Variants in KCNH5 observed in about 807,000 individuals in gnomAD.
KCNH5 encodes potassium voltage-gated channel subfamily H member 5.
A neutral mutation model predicts 96.1 loss-of-function variants in KCNH5; 46 were observed. That is an observed-to-expected ratio of 0.48 (90% CI 0.38 to 0.61). The LOEUF (loss-of-function observed/expected upper bound fraction) is 0.61. KCNH5 is among the 20% of genes least tolerant of loss of function. KCNH5 has a pLI of 0.00. For missense variants in KCNH5, 907 were observed against 1,225.8 expected (o/e 0.74, Z 3.88); for synonymous variants, 439 against 449.8 (o/e 0.98, Z 0.30).
chr14:62,822,265 T>G (rs1887130573), intron 8 of KCNH5, among the ~76,000 whole-genome samples: 1 of 152,100 alleles, frequency 6.6e-6, no homozygotes, highest in South Asian at 2.1e-4. Flanking sequence ...TAGATATTGA[T>G]AAGCTTATTC....
At chr14:62,712,486 T>A in intron 10 of KCNH5, 2 of 608,176 alleles carry the variant, frequency 3.3e-6, no homozygotes, top group East Asian at 2.8e-5. Flanking sequence ...CATAAAGAGT[T>A]TAAGTGGTTT....
intron 7 of KCNH5, among the ~76,000 whole-genome samples, chr14:62,910,165 C>T (rs1234826519): frequency 1.3e-5 from 2 of 151,838 alleles, no homozygotes; most frequent in African/African-American, 4.8e-5. Context: ...CACACACACA[C>T]ACACACACAC....
intron 7 of KCNH5, among the ~76,000 whole-genome samples, chr14:62,871,350 A>G (rs893890719): frequency 6.6e-6 from 1 of 152,222 alleles, no homozygotes; most frequent in Non-Finnish European, 1.5e-5. Flanking sequence ...GGGGTTTAAG[A>G]AAAGCTTCCC....
intron 6 of KCNH5, among the ~76,000 whole-genome samples, 169 bp downstream of exon 6, chr14:62,980,703 G>A (rs920374191): frequency 3.3e-5 from 5 of 152,182 alleles, no homozygotes. Flanking sequence ...AGAAGAAACA[G>A]ATGAAAACTA....
In KCNH5 at chr14:62,832,117, A is replaced by G. The variant is rs1887364841; in HGVS notation, c.1569+17536T>C. On this transcript the variant is annotated intron_variant, in intron 8 of 10. Coordinates refer to ENST00000322893, the MANE Select transcript of KCNH5 (RefSeq NM_139318.5). ...AAACACATAATCATAAAAATCGTCT[A>G]TATATTATTTTTTTAAATTACAGTA... Among the ~76,000 whole-genome samples, 6 of 152,320 alleles carry G rather than the reference A, an allele frequency of 3.9e-5. No homozygotes were observed. The South Asian group carries it at 8.3e-4, about 21-fold the overall frequency.
chr14:63,042,600 T>C (rs1157164250), intron 1 of KCNH5, among the ~76,000 whole-genome samples: 1 of 152,196 alleles, frequency 6.6e-6, no homozygotes, highest in Non-Finnish European at 1.5e-5. Context: ...ACTTTCAATG[T>C]TGTTAAGTTA....
intron 9 of KCNH5, among the ~76,000 whole-genome samples, chr14:62,789,983 A>G (rs374582477): frequency 1.3e-5 from 2 of 151,846 alleles, no homozygotes; most frequent in East Asian, 1.9e-4. Flanking sequence ...GCCAAGGCCA[A>G]TATCAAGGTG....
At chr14:62,909,287 C>A (rs371345635) in intron 7 of KCNH5, among the ~76,000 whole-genome samples, 1 of 151,516 alleles carries the variant, frequency 6.6e-6, no homozygotes, top group East Asian at 2.0e-4. Flanking sequence ...CCTCGTGATC[C>A]GCCCGCCTCG....
intron 7 of KCNH5, among the ~76,000 whole-genome samples, chr14:62,932,319 T>A (rs80219428): frequency 0.13 from 19,625 of 151,552 alleles, 1,510 homozygotes; most frequent in East Asian, 0.37. Context: ...CACAATGCTA[T>A]GAGAAGGAAC....
At chr14:62,788,012 T>C (rs1886354011) in intron 9 of KCNH5, among the ~76,000 whole-genome samples, 1 of 152,198 alleles carries the variant, frequency 6.6e-6, no homozygotes, top group Non-Finnish European at 1.5e-5. Context: ...ATTTTGACTT[T>C]CAAGTCTTAT....
At chr14:62,783,268 G>A (rs1358432846) in intron 9 of KCNH5, among the ~76,000 whole-genome samples, 2 of 152,076 alleles carry the variant, frequency 1.3e-5, no homozygotes, top group Non-Finnish European at 2.9e-5. Flanking sequence ...TCTGCGTTAT[G>A]GAACAATGTA....
At chr14:62,716,588 T>C (rs117494522) in intron 10 of KCNH5, among the ~76,000 whole-genome samples, 5,098 of 152,226 alleles carry the variant, frequency 0.033, 139 homozygotes, top group South Asian at 0.082. Flanking sequence ...CTCCTACTTG[T>C]CCTGTGATAC....
At chr14:62,865,391 G>C (rs898283212) in intron 7 of KCNH5, among the ~76,000 whole-genome samples, 9 of 151,596 alleles carry the variant, frequency 5.9e-5, no homozygotes, top group African/African-American at 1.9e-4. Context: ...ACTGGAGTGG[G>C]AAAGAGACTG....
At chr14:63,037,579 T>C (rs978892894) in intron 1 of KCNH5, among the ~76,000 whole-genome samples, 2 of 152,136 alleles carry the variant, frequency 1.3e-5, no homozygotes, top group African/African-American at 2.4e-5. Context: ...TGTGCTTTAA[T>C]TTTCCCCCAA....
intron 7 of KCNH5, among the ~76,000 whole-genome samples, chr14:62,907,768 T>A (rs1889058364): frequency 6.6e-6 from 1 of 152,234 alleles, no homozygotes; most frequent in Non-Finnish European, 1.5e-5. Flanking sequence ...CAAGCTCATG[T>A]GGCCTGGCTG....
intron 8 of KCNH5, among the ~76,000 whole-genome samples, chr14:62,841,231 C>T (rs1956015): frequency 0.67 from 101,774 of 151,994 alleles, 35,251 homozygotes; most frequent in East Asian, 0.86. Context: ...AATTGAAACA[C>T]TGTTTCTTAA....
intron 7 of KCNH5, among the ~76,000 whole-genome samples, chr14:62,944,208 G>A (rs1387277892): frequency 6.6e-6 from 1 of 152,076 alleles, no homozygotes; most frequent in Non-Finnish European, 1.5e-5. Context: ...CGGGATTGTT[G>A]CCACATTCAT....
chr14:62,979,464 C>T (rs114601882), intron 6 of KCNH5, among the ~76,000 whole-genome samples: 247 of 151,716 alleles, frequency 1.6e-3, no homozygotes, highest in African/African-American at 5.6e-3. Flanking sequence ...GTTGGTTGAA[C>T]GTAAATATTT....
At chr14:62,972,729 C>A (rs952578400) in intron 6 of KCNH5, among the ~76,000 whole-genome samples, 9 of 151,804 alleles carry the variant, frequency 5.9e-5, no homozygotes, top group African/African-American at 2.2e-4. Context: ...ACCTTAAATG[C>A]CTATTACTAA....
Sources: allele counts gnomAD v4.1 joint callset (sites outside exome capture counted in the v4.1 genomes callset), GRCh38; gene constraint gnomAD v4.1.1; transcripts MANE v1.5; gene names NCBI Gene and HGNC (gene_info 2026-07-23, HGNC 2026-07-21).